The following RBFOX1 variants were observed in gnomAD, a reference collection of about 807,000 sequenced individuals.
RBFOX1 encodes RNA binding fox-1 homolog 1.
A neutral mutation model predicts 57.7 loss-of-function variants in RBFOX1; 8 were observed. That is an observed-to-expected ratio of 0.14 (90% CI 0.08 to 0.25). The LOEUF (loss-of-function observed/expected upper bound fraction) is 0.25. Among genes scored for constraint, RBFOX1 ranks in the 10% least tolerant of loss-of-function variants. The pLI is 1.00. For missense variants in RBFOX1, 611 were observed against 548.5 expected, an observed-to-expected ratio of 1.11 and a Z score of -1.14; for synonymous variants, 326 against 222.4, an observed-to-expected ratio of 1.47 and a Z score of -4.15.
chr16:6,006,793 A>T (rs1418532903), intron 4 of RBFOX1, among the ~76,000 whole-genome samples: 1 of 152,218 alleles, frequency 6.6e-6, no homozygotes, highest in East Asian at 1.9e-4. Flanking sequence ...GCGATAAGAT[A>T]CAATGAGTGG....
At chr16:6,802,497 C>T (rs1217078530) in intron 3 of RBFOX1, among the ~76,000 whole-genome samples, 1 of 152,064 alleles carries the variant, frequency 6.6e-6, no homozygotes, top group Non-Finnish European at 1.5e-5. Context: ...ACCAATTTGG[C>T]AAAACCCTGT....
At chr16:6,614,972 C>G (rs140204183) in intron 2 of RBFOX1, among the ~76,000 whole-genome samples, 1 of 152,168 alleles carries the variant, frequency 6.6e-6, no homozygotes, top group Non-Finnish European at 1.5e-5. Context: ...TGACTGCATC[C>G]CAATTACCAG....
chr16:5,495,625 G>T (rs1404715636), intron 2 of RBFOX1, among the ~76,000 whole-genome samples: 2 of 152,158 alleles, frequency 1.3e-5, no homozygotes, highest in Non-Finnish European at 2.9e-5. Context: ...TAAGACCAAC[G>T]GGACCCAACA....
At chr16:7,469,124 C>T (rs757915643) in intron 4 of RBFOX1, among the ~76,000 whole-genome samples, 23 of 152,028 alleles carry the variant, frequency 1.5e-4, no homozygotes, top group Non-Finnish European at 3.1e-4. Flanking sequence ...TTAGTAGAGA[C>T]GGGGTTTGAC....
intron 4 of RBFOX1, among the ~76,000 whole-genome samples, chr16:7,326,966 T>A (rs1386542125): frequency 6.6e-6 from 1 of 152,146 alleles, no homozygotes; most frequent in African/African-American, 2.4e-5. Context: ...AGTCATTGGG[T>A]GAGCAAGAAG....
chr16:6,855,528 C>A (rs2057685944), intron 3 of RBFOX1, among the ~76,000 whole-genome samples: 1 of 151,760 alleles, frequency 6.6e-6, no homozygotes, highest in Admixed American at 6.6e-5. Flanking sequence ...TGGCAGGTGC[C>A]TGTAGTCCCA....
chr16:6,739,800 C>T (rs2154181401), intron 3 of RBFOX1, among the ~76,000 whole-genome samples: 1 of 152,182 alleles, frequency 6.6e-6, no homozygotes, highest in African/African-American at 2.4e-5. Flanking sequence ...TTGCTTGAAC[C>T]TGGGAGGCAG....
intron 3 of RBFOX1, among the ~76,000 whole-genome samples, chr16:5,851,794 C>T (rs1158266551): frequency 6.6e-6 from 1 of 152,116 alleles, no homozygotes; most frequent in African/African-American, 2.4e-5. Context: ...GCAAGTTTAG[C>T]GTTCTGTGGG....
At position 5,573,077 on chromosome 16, in the gene RBFOX1, A is replaced by C. The variant is rs138522659; in HGVS notation, c.259-25825A>C. Among the ~76,000 whole-genome samples, 148 of 152,242 alleles carry C rather than the reference A, an allele frequency of 9.7e-4. 1 individual carries two copies. Among genetic ancestry groups the C allele is most frequent in the Non-Finnish European group, 1.5e-3 (103 of 68,002 alleles). ...GGACATTTAGGCAGTTGTCGTAATGATGGTGCCCTGGATCGGATGGTGGGA... is the reference window on the plus strand; with the variant it reads ...GGACATTTAGGCAGTTGTCGTAATGCTGGTGCCCTGGATCGGATGGTGGGA... On this transcript the variant is annotated intron_variant, in intron 2 of 2. Transcript: ENST00000585867.
intron 1 of RBFOX1, among the ~76,000 whole-genome samples, chr16:6,142,224 C>CTT (rs796460008): frequency 6.8e-5 from 7 of 103,002 alleles, no homozygotes; most frequent in Non-Finnish European, 1.2e-4. Context: ...AAATCCAACT[C>CTT]TTTTTTTTTT....
chr16:5,563,272 C>T (rs536884600), intron 2 of RBFOX1, among the ~76,000 whole-genome samples: 10 of 152,268 alleles, frequency 6.6e-5, no homozygotes, highest in Middle Eastern at 3.4e-3. Context: ...TGTATTATTG[C>T]ATCTCCTGAC....
At chr16:5,932,274 C>T (rs1378307145) in intron 4 of RBFOX1, among the ~76,000 whole-genome samples, 6 of 152,154 alleles carry the variant, frequency 3.9e-5, no homozygotes, top group East Asian at 3.9e-4. Context: ...ATGGAAGGGC[C>T]GTGCCCTAAG....
At chr16:7,108,762 C>G (rs1011063957) in intron 4 of RBFOX1, among the ~76,000 whole-genome samples, 2 of 152,244 alleles carry the variant, frequency 1.3e-5, no homozygotes, top group Middle Eastern at 3.4e-3. Context: ...TACACTCACC[C>G]CTGTGCTCAA....
intron 4 of RBFOX1, among the ~76,000 whole-genome samples, chr16:7,161,066 A>G (rs557112754): frequency 3.3e-5 from 5 of 151,880 alleles, no homozygotes; most frequent in East Asian, 1.9e-4. Context: ...AGCTACCCAG[A>G]TGACTACCTT....
chr16:6,782,997 C>G (rs1016894389), intron 3 of RBFOX1, among the ~76,000 whole-genome samples: 4 of 151,962 alleles, frequency 2.6e-5, no homozygotes, highest in African/African-American at 2.4e-5. Context: ...CCTTCTTTGT[C>G]TCTTTTTACA....
intron 3 of RBFOX1, among the ~76,000 whole-genome samples, chr16:6,999,241 A>ATT (rs2092576278): frequency 1.9e-5 from 1 of 53,156 alleles, no homozygotes; most frequent in African/African-American, 8.1e-5. Context: ...TTTTTTTTTT[A>ATT]GAGATCAGGT....
intron 1 of RBFOX1, among the ~76,000 whole-genome samples, chr16:6,121,814 AC>A (rs1255247389): frequency 1.3e-5 from 2 of 152,196 alleles, no homozygotes; most frequent in Non-Finnish European, 2.9e-5. Context: ...AACTAATGGT[AC>A]CTATCTTTAA....
At chr16:6,560,215 A>G (rs77622731) in intron 2 of RBFOX1, among the ~76,000 whole-genome samples, 5,515 of 151,336 alleles carry the variant, frequency 0.036, 320 homozygotes, top group African/African-American at 0.12. Flanking sequence ...CATGAAGTCA[A>G]TATTCTAGTT....
At chr16:6,962,312 C>G (rs1442939624) in intron 3 of RBFOX1, among the ~76,000 whole-genome samples, 1 of 152,148 alleles carries the variant, frequency 6.6e-6, no homozygotes, top group East Asian at 1.9e-4. Flanking sequence ...ACAATCTCAT[C>G]TTGAGATCCT....
Sources: gnomAD v4.1 joint callset for allele counts (sites outside exome capture counted in the v4.1 genomes callset) on GRCh38, gnomAD v4.1.1 for gene constraint, MANE v1.5 for transcripts, NCBI Gene and HGNC (gene_info 2026-07-23, HGNC 2026-07-21) for gene names.